Variants in TRAK1 observed in about 807,000 individuals in gnomAD.
TRAK1 encodes the protein trafficking kinesin-binding protein 1.
In TRAK1, 33 loss-of-function variants were observed where a neutral mutation model predicts 92.1. That is an observed-to-expected ratio of 0.36 (90% confidence interval 0.27 to 0.48). TRAK1 has a LOEUF of 0.48. Ranked by LOEUF, TRAK1 falls within the 20% of genes least tolerant of loss-of-function variation. The pLI is 0.99. For synonymous variants in TRAK1, 521 were observed against 517.3 expected (o/e 1.01, Z -0.10); for missense variants, 1,123 against 1,257.9 (o/e 0.89, Z 1.62).
chr3:42,218,238 G>A, intron 14 of TRAK1: 4 of 985,402 alleles, frequency 4.1e-6, no homozygotes, highest in Non-Finnish European at 3.6e-6. Flanking sequence ...ATAGTCAACT[G>A]TGTGGACCTG....
chr3:42,029,549 A>AT (rs58539922), intron 1 of TRAK1, among the ~76,000 whole-genome samples: 2,329 of 136,396 alleles, frequency 0.017, 42 homozygotes, highest in East Asian at 0.051. Flanking sequence ...GCCTGATAGA[A>AT]TTTTTTTTTT....
At chr3:42,146,545 G>C (rs1481608418) in intron 2 of TRAK1, among the ~76,000 whole-genome samples, 1 of 152,060 alleles carries the variant, frequency 6.6e-6, no homozygotes. Flanking sequence ...TGCATTTCCT[G>C]TTCCTTTATT....
At chr3:42,025,823 C>G (rs1366125484) in intron 1 of TRAK1, among the ~76,000 whole-genome samples, 3 of 152,178 alleles carry the variant, frequency 2.0e-5, no homozygotes, top group Non-Finnish European at 4.4e-5. Context: ...CTTTTAAAGT[C>G]CGTGGCAGAT....
At chr3:42,060,166 A>G (rs541919312) in intron 1 of TRAK1, among the ~76,000 whole-genome samples, 204 of 152,342 alleles carry the variant, frequency 1.3e-3, no homozygotes, top group Non-Finnish European at 2.4e-3. Flanking sequence ...AGCTCCATCC[A>G]CATGGAGCTT....
At chr3:42,017,618 A>G (rs965413499) in intron 1 of TRAK1, among the ~76,000 whole-genome samples, 11 of 152,270 alleles carry the variant, frequency 7.2e-5, no homozygotes, top group Non-Finnish European at 1.3e-4. Flanking sequence ...AAATAATTGC[A>G]TATGTGTAAA....
chr3:42,176,293 A>T (rs1703200435), intron 2 of TRAK1, among the ~76,000 whole-genome samples: 1 of 152,222 alleles, frequency 6.6e-6, no homozygotes, highest in Non-Finnish European at 1.5e-5. Flanking sequence ...AATGTAGGCC[A>T]CTTGAGGAGG....
At chr3:42,061,479 G>T (rs936393486) in intron 1 of TRAK1, among the ~76,000 whole-genome samples, 6 of 152,034 alleles carry the variant, frequency 3.9e-5, no homozygotes, top group Admixed American at 3.9e-4. Context: ...CAGGCAAGGA[G>T]CTACTTTGAA....
chr3:42,193,206 G>A lies in TRAK1; in HGVS notation c.900+1G>A, dbSNP rs368104745. On this transcript the variant is annotated splice_donor_variant, in intron 8 of 15. Transcript: ENST00000327628. LOFTEE classifies it high-confidence loss of function. The stretch of plus-strand genomic sequence containing the variant: ...TGATTTGCAGAAAAAGGCAAAAGCT[G>A]TAAGGCTTCTCTGTTTATCTGGCTG... 4.3e-6 allele frequency: 7 copies of A among 1,613,770 alleles called. No homozygotes were observed. Among genetic ancestry groups the A allele is most frequent in the African/African-American group, 4.0e-5 (3 of 74,932 alleles).
chr3:42,047,397 G>A (rs1702798070), intron 1 of TRAK1, among the ~76,000 whole-genome samples: 1 of 151,000 alleles, frequency 6.6e-6, no homozygotes, highest in Non-Finnish European at 1.5e-5. Context: ...TAGAGATGGG[G>A]TCTTGCTTTG....
At chr3:42,216,932 G>T (rs1709762905) in intron 14 of TRAK1, among the ~76,000 whole-genome samples, 1 of 152,160 alleles carries the variant, frequency 6.6e-6, no homozygotes. Flanking sequence ...TCCCAAATGA[G>T]CAGCATGGGA....
At chr3:42,081,957 G>A (rs1021950478) in intron 1 of TRAK1, among the ~76,000 whole-genome samples, 1 of 152,156 alleles carries the variant, frequency 6.6e-6, no homozygotes, top group African/African-American at 2.4e-5. Flanking sequence ...TTCAAGAGGG[G>A]CCTCTCAGGC....
rs569807699 is a variant in TRAK1, at chr3:42,027,280, T to C, written c.-519+13163T>C. The stretch of plus-strand genomic sequence containing the variant: ...GGCTCACGCCTGTAATCCCAGCACT[T>C]TGGGAGGCCGAGACGGGCGGATCAC... On this transcript the variant is annotated intron_variant, in intron 1 of 16. Transcript: ENST00000487159. Among the ~76,000 whole-genome samples, 152 of 152,232 alleles carry C rather than the reference T, an allele frequency of 1.0e-3. 1 individual carries two copies. Among genetic ancestry groups the C allele is most frequent in the African/African-American group, 3.5e-3 (144 of 41,562 alleles).
upstream of TRAK1, among the ~76,000 whole-genome samples, chr3:42,089,805 TAA>T (rs1704907351): frequency 6.6e-6 from 1 of 152,000 alleles, no homozygotes; most frequent in Admixed American, 6.6e-5. Flanking sequence ...TGCAGTAGAC[TAA>T]AGTCGCGGAG....
rs754915993 is a variant in TRAK1 at position 42,209,977 on chromosome 3, A to C, written c.1955A>C (p.Glu652Ala). 1 of 1,614,220 alleles carries C rather than the reference A, an allele frequency of 6.2e-7. No homozygotes were observed. The highest frequency in any genetic ancestry group is 8.5e-7 in the Non-Finnish European group (1 of 1,180,036). The change falls in exon 14 of 16, where the codon GAG (glutamate) becomes GCG (alanine). Residue 652 changes from glutamate to alanine, a missense_variant. Transcript: ENST00000327628. ...ACCTCCACTCCAGTTCAGCACCCAGAGACCTCAGGTGAGAGGTCCCAAGCA... is the reference window on the plus strand; with the variant it reads ...ACCTCCACTCCAGTTCAGCACCCAGCGACCTCAGGTGAGAGGTCCCAAGCA... ...LATSTPVQHPETSAHHPGKCM... is the reference protein window; with the variant it reads ...LATSTPVQHPATSAHHPGKCM...
chr3:42,124,142 A>G (rs1710262389), intron 1 of TRAK1, among the ~76,000 whole-genome samples: 2 of 152,076 alleles, frequency 1.3e-5, no homozygotes, highest in South Asian at 4.1e-4. Context: ...TGTCTTAAAA[A>G]AAAAAAAAAG....
intron 1 of TRAK1, among the ~76,000 whole-genome samples, chr3:42,061,032 T>G (rs75878015): frequency 0.084 from 12,786 of 152,176 alleles, 604 homozygotes; most frequent in Non-Finnish European, 0.11. Flanking sequence ...TAATGACTTA[T>G]GCTGAAGGAC....
chr3:42,025,377 C>A (rs964351405), intron 1 of TRAK1, among the ~76,000 whole-genome samples: 1 of 152,150 alleles, frequency 6.6e-6, no homozygotes, highest in Non-Finnish European at 1.5e-5. Context: ...TATCTTCTTA[C>A]ATTAATTTTG....
At chr3:42,182,432 A>C (rs1704152685) in intron 3 of TRAK1, among the ~76,000 whole-genome samples, 1 of 151,594 alleles carries the variant, frequency 6.6e-6, no homozygotes, top group Admixed American at 6.6e-5. Context: ...CGCTGGGATT[A>C]CTGGCTCCCG....
At chr3:42,160,319 T>C (rs750658959) in intron 2 of TRAK1, 1 of 1,609,476 alleles carries the variant, frequency 6.2e-7, no homozygotes, top group Middle Eastern at 1.7e-4. Flanking sequence ...CCCCCAAGGA[T>C]GGTCCCTTAG....
Sources: allele counts gnomAD v4.1 joint callset (sites outside exome capture counted in the v4.1 genomes callset), GRCh38; gene constraint gnomAD v4.1.1; transcripts MANE v1.5; gene names NCBI Gene and HGNC (gene_info 2026-07-23, HGNC 2026-07-21).